Variants in ARB2A observed in about 807,000 individuals in gnomAD.
ARB2A encodes the protein cotranscriptional regulator ARB2A.
At chr5:93,891,678 TA>T in the ARB2A span, among the ~76,000 whole-genome samples, 1 of 152,070 alleles carries the variant, frequency 6.6e-6, no homozygotes, top group African/African-American at 2.4e-5. Context: ...TTATTATGAG[TA>T]ACTGGCAGTA....
the ARB2A span, among the ~76,000 whole-genome samples, chr5:93,844,130 A>C: frequency 2.0e-5 from 3 of 151,766 alleles, no homozygotes; most frequent in Admixed American, 6.6e-5. Flanking sequence ...CAAAAAAAAA[A>C]ACAAAAAAAA....
chr5:93,814,579 C>T, the ARB2A span, among the ~76,000 whole-genome samples: 3 of 152,162 alleles, frequency 2.0e-5, no homozygotes, highest in Non-Finnish European at 4.4e-5. Flanking sequence ...GATCTTTATA[C>T]TGTGGACCTT....
chr5:93,634,304 G>C, the ARB2A span, among the ~76,000 whole-genome samples: 4 of 151,860 alleles, frequency 2.6e-5, no homozygotes, highest in Non-Finnish European at 5.9e-5. Context: ...GGAGGCTGAG[G>C]GGGGAGAATC....
chr5:93,662,190 C>T, the ARB2A span, among the ~76,000 whole-genome samples: 1 of 152,132 alleles, frequency 6.6e-6, no homozygotes, highest in Admixed American at 6.5e-5. Context: ...CTAGTTCTTA[C>T]ATATTTTCTG....
At chr5:93,911,510 G>GC in the ARB2A span, among the ~76,000 whole-genome samples, 1 of 151,546 alleles carries the variant, frequency 6.6e-6, no homozygotes. Context: ...TTGAATTAAA[G>GC]CAAGAAGATC....
chr5:93,933,937 C>T, the ARB2A span, among the ~76,000 whole-genome samples: 48 of 151,932 alleles, frequency 3.2e-4, no homozygotes, highest in Non-Finnish European at 5.9e-4. Flanking sequence ...ACCTGGCAGG[C>T]GGAGGTTGCA....
chr5:93,870,838 T>C, the ARB2A span, among the ~76,000 whole-genome samples: 1 of 152,216 alleles, frequency 6.6e-6, no homozygotes, highest in East Asian at 1.9e-4. Context: ...CTGTTTAATA[T>C]TATGAGTGAT....
At chr5:94,045,366 ATCCAAGAACGCTC>A in the ARB2A span, among the ~76,000 whole-genome samples, 1 of 152,052 alleles carries the variant, frequency 6.6e-6, no homozygotes, top group South Asian at 2.1e-4. Flanking sequence ...CTTATGTGAC[ATCCAAGAACGCTC>A]TCTTGGGGTC....
At chr5:93,877,744 T>C in the ARB2A span, among the ~76,000 whole-genome samples, 5 of 152,126 alleles carry the variant, frequency 3.3e-5, no homozygotes, top group East Asian at 1.9e-4. Context: ...TCATCGGTTA[T>C]AGTGAGAGGA....
At chr5:93,700,917 A>T in the ARB2A span, among the ~76,000 whole-genome samples, 2 of 152,244 alleles carry the variant, frequency 1.3e-5, no homozygotes, top group South Asian at 4.1e-4. Flanking sequence ...GAGATAAAAA[A>T]TTCATAAATT....
At chr5:93,967,504 C>T in the ARB2A span, among the ~76,000 whole-genome samples, 1 of 152,010 alleles carries the variant, frequency 6.6e-6, no homozygotes, top group Non-Finnish European at 1.5e-5. Flanking sequence ...TCAGCTGAAG[C>T]CAGTACTAAC....
chr5:94,001,709 T>C, the ARB2A span, among the ~76,000 whole-genome samples: 1 of 152,250 alleles, frequency 6.6e-6, no homozygotes, highest in Non-Finnish European at 1.5e-5. Context: ...CCATCTGTTC[T>C]TGCATAATGT....
At chr5:93,639,947 A>C in the ARB2A span, among the ~76,000 whole-genome samples, 3 of 150,996 alleles carry the variant, frequency 2.0e-5, no homozygotes, top group Non-Finnish European at 2.9e-5. Flanking sequence ...AGGGAGGCTG[A>C]GCCAAGAGAA....
At chr5:93,919,943 A>G in the ARB2A span, among the ~76,000 whole-genome samples, 1 of 152,100 alleles carries the variant, frequency 6.6e-6, no homozygotes, top group Non-Finnish European at 1.5e-5. Flanking sequence ...TTTTTCACAC[A>G]CCTAAATCTC....
the ARB2A span, among the ~76,000 whole-genome samples, chr5:93,817,087 A>AACACACAC: frequency 6.9e-6 from 1 of 144,274 alleles, no homozygotes; most frequent in Non-Finnish European, 1.5e-5. Flanking sequence ...AATACACACA[A>AACACACAC]ACACACACAC....
chr5:94,019,483 G>A, the ARB2A span, among the ~76,000 whole-genome samples: 1 of 152,190 alleles, frequency 6.6e-6, no homozygotes, highest in East Asian at 1.9e-4. Context: ...CAAAGGATAT[G>A]AACAGACATT....
At chr5:93,934,012 C>CA in the ARB2A span, among the ~76,000 whole-genome samples, 3 of 150,204 alleles carry the variant, frequency 2.0e-5, no homozygotes, top group South Asian at 4.2e-4. Flanking sequence ...CTCAAACAAA[C>CA]AAAAAAAAGG....
the ARB2A span, chr5:93,881,228 T>C: frequency 3.0e-6 from 1 of 331,638 alleles, no homozygotes; most frequent in Non-Finnish European, 5.5e-6. Flanking sequence ...TGAGGTAGTA[T>C]ATGACACAAA....
the ARB2A span, among the ~76,000 whole-genome samples, chr5:93,883,346 C>T: frequency 1.2e-3 from 181 of 151,652 alleles, 2 homozygotes; most frequent in Non-Finnish European, 1.5e-3. Flanking sequence ...GCTTCTTTCA[C>T]AAAAAGCTTA....
Sources: allele counts gnomAD v4.1 joint callset (sites outside exome capture counted in the v4.1 genomes callset), GRCh38; gene constraint gnomAD v4.1.1; transcripts MANE v1.5; gene names NCBI Gene and HGNC (gene_info 2026-07-23, HGNC 2026-07-21).